Variants in AZIN1 observed in about 807,000 individuals in gnomAD.
AZIN1 encodes antizyme inhibitor 1, also known as ornithine decarboxylase antizyme inhibitor.
AZIN1 carries 12 observed loss-of-function variants against 47.4 expected under a neutral mutation model. The observed-to-expected ratio is 0.25, with a 90% CI of 0.16 to 0.41. AZIN1 has a LOEUF of 0.41. Ranked by LOEUF, AZIN1 falls within the 10% of genes least tolerant of loss-of-function variation. The probability of loss-of-function intolerance (pLI) is 1.00; values close to 1 mark genes in which losing one functional copy is unlikely to be tolerated. For missense variants in AZIN1, 410 were observed against 532.4 expected, an observed-to-expected ratio of 0.77 and a Z score of 2.26; for synonymous variants, 155 against 176.3, an observed-to-expected ratio of 0.88 and a Z score of 0.96.
At chr8:102,850,885 A>C (rs757732900) in intron 2 of AZIN1, among the ~76,000 whole-genome samples, 6 of 152,220 alleles carry the variant, frequency 3.9e-5, no homozygotes, top group Non-Finnish European at 8.8e-5. Flanking sequence ...AAATCCCAAA[A>C]GTTATAAGCC....
chr8:102,852,995 T>C (rs201762354), intron 2 of AZIN1, among the ~76,000 whole-genome samples: 1 of 152,302 alleles, frequency 6.6e-6, no homozygotes, highest in East Asian at 1.9e-4. Flanking sequence ...GCCTTTTTCA[T>C]AGATGCAATA....
At chr8:102,854,222 A>G (rs902282711) in intron 2 of AZIN1, among the ~76,000 whole-genome samples, 40 of 151,968 alleles carry the variant, frequency 2.6e-4, no homozygotes, top group African/African-American at 8.7e-4. Flanking sequence ...TATAGGTGTG[A>G]GGCACCGCAC....
intron 3 of AZIN1, among the ~76,000 whole-genome samples, chr8:102,840,088 A>C (rs1812084419): frequency 6.6e-6 from 1 of 152,208 alleles, no homozygotes. Context: ...AGATAAAAAA[A>C]CTATTATCAA....
rs776212067 is a variant in AZIN1 at position 102,828,332 on chromosome 8, A to G, written c.*235T>C. On this transcript the variant is annotated 3_prime_UTR_variant, in exon 12 of 12. Coordinates refer to ENST00000337198, the MANE Select transcript of AZIN1 (RefSeq NM_148174.4). ...TTGCATATTTTATTTTAAACGCTTAAGGGGTAGGACAAACTGGTAGGTTTA... is the reference window on the plus strand; with the variant it reads ...TTGCATATTTTATTTTAAACGCTTAGGGGGTAGGACAAACTGGTAGGTTTA... 3.4e-4 allele frequency: 117 copies of G among 348,850 alleles called. No individual in the cohort carries two copies. Among genetic ancestry groups the G allele is most frequent in the Non-Finnish European group, 5.1e-4 (99 of 192,602 alleles). 21.6% of individuals were successfully genotyped at this position (348,850 alleles called of 1,614,324 possible).
chr8:102,859,381 T>C (rs1013698832), intron 1 of AZIN1, among the ~76,000 whole-genome samples: 2 of 152,244 alleles, frequency 1.3e-5, no homozygotes, highest in Non-Finnish European at 2.9e-5. Flanking sequence ...TATTCATCTT[T>C]TTCTCAATAC....
At chr8:102,852,227 G>A (rs1812958443) in intron 2 of AZIN1, among the ~76,000 whole-genome samples, 1 of 152,196 alleles carries the variant, frequency 6.6e-6, no homozygotes, top group South Asian at 2.1e-4. Context: ...CTGGGCATCA[G>A]AGGATCCTTG....
At chr8:102,853,490 G>A (rs888552039) in intron 2 of AZIN1, among the ~76,000 whole-genome samples, 4 of 152,128 alleles carry the variant, frequency 2.6e-5, no homozygotes, top group Non-Finnish European at 5.9e-5. Context: ...CAACAAGAGC[G>A]AAACTTCGTC....
rs1811239995 is a variant in AZIN1 at position 102,828,634 on chromosome 8, T to G, written c.1280A>C (p.Lys427Thr). 6.2e-7 allele frequency: 1 copy of G among 1,611,630 alleles called. No homozygotes were observed. Among genetic ancestry groups the G allele is most frequent in the Non-Finnish European group, 8.5e-7 (1 of 1,178,186 alleles). The part of the protein sequence containing the change: ...DAGITSDSMM[K>T]NFFFVPSCIQ... ...GCAAGAAGGCACAAAGAAGAAGTTC[T>G]TCATCATTGAGTCTGAAGTAATTCC... The change falls in exon 12 of 12, where the codon AAG becomes ACG. Residue 427 changes from lysine (K) to threonine (T), a missense_variant. Lys to Thr is a moderately conservative substitution (Grantham distance 78). Coordinates refer to ENST00000337198, the MANE Select transcript of AZIN1 (RefSeq NM_148174.4).
chr8:102,854,621 TA>T (rs1353144380), intron 2 of AZIN1: 4 of 139,342 alleles, frequency 2.9e-5, no homozygotes, highest in African/African-American at 1.1e-4. Context: ...TATATATATA[TA>T]TATATTTTTT....
At chr8:102,856,932 G>A (rs747433769) in intron 2 of AZIN1, among the ~76,000 whole-genome samples, 5 of 152,286 alleles carry the variant, frequency 3.3e-5, no homozygotes, top group South Asian at 4.1e-4. Flanking sequence ...CAATTCGTCC[G>A]AAGACTACAC....
At chr8:102,840,519 T>C (rs974763011) in intron 3 of AZIN1, among the ~76,000 whole-genome samples, 2 of 152,148 alleles carry the variant, frequency 1.3e-5, no homozygotes, top group African/African-American at 4.8e-5. Context: ...CAGGAAACCA[T>C]TTTTAAAAAG....
In AZIN1 at chr8:102,826,927, T is replaced by C. The variant is rs1811146933; in HGVS notation, c.*1640A>G. 1 of 152,342 alleles carries C rather than the reference T, an allele frequency of 6.6e-6. No individual in the cohort carries two copies. The highest frequency in any genetic ancestry group is 2.1e-4 in the South Asian group (1 of 4,828). 9.4% of individuals were successfully genotyped at this position (152,342 alleles called of 1,614,324 possible). On this transcript the variant is annotated 3_prime_UTR_variant, in exon 12 of 12. Coordinates refer to ENST00000337198, the MANE Select transcript of AZIN1 (RefSeq NM_148174.4). ...TTGATGGCAATGGATTGGGGCCCTA[T>C]ATATATATATTTTTAATAGAACCCA...
chr8:102,861,814 G>C (rs1224948701), intron 1 of AZIN1, among the ~76,000 whole-genome samples: 2 of 152,010 alleles, frequency 1.3e-5, no homozygotes, highest in Non-Finnish European at 2.9e-5. Flanking sequence ...AGGCCGAGAT[G>C]GGCGGATCAT....
intron 6 of AZIN1, chr8:102,835,530 C>A (rs533084929): frequency 6.6e-6 from 1 of 152,424 alleles, no homozygotes. Flanking sequence ...CATCTGTAAT[C>A]CCACCACTTT....
At position 102,843,680 on chromosome 8, in the gene AZIN1, T is replaced by C. The variant is rs1376042855; in HGVS notation, c.-28A>G. On this transcript the variant is annotated 5_prime_UTR_variant, in exon 3 of 12. Transcript: ENST00000337198. Reference sequence around the variant, plus strand: ...CAGCCGTATTCCACAAAGCCGAAAGTCATAAACCAGGAAAGACAAGAGACG... The same window carrying C: ...CAGCCGTATTCCACAAAGCCGAAAGCCATAAACCAGGAAAGACAAGAGACG... The C allele has an allele frequency of 1.2e-6, 2 of 1,613,308 alleles. No individual in the cohort carries two copies. Among genetic ancestry groups the C allele is most frequent in the Non-Finnish European group, 1.7e-6 (2 of 1,179,740 alleles).
intron 9 of AZIN1, among the ~76,000 whole-genome samples, chr8:102,832,348 G>A (rs558432340): frequency 6.6e-6 from 1 of 152,040 alleles, no homozygotes; most frequent in African/African-American, 2.4e-5. Context: ...ATGTAAAACA[G>A]TATTTCCTAC....
At chr8:102,858,427 T>C (rs989079542) in intron 1 of AZIN1, among the ~76,000 whole-genome samples, 7 of 152,222 alleles carry the variant, frequency 4.6e-5, no homozygotes, top group East Asian at 1.9e-4. Context: ...GCCTTCATTT[T>C]TGAAGATGAA....
In AZIN1 at chr8:102,835,220, T is replaced by C. The variant is rs79309567; in HGVS notation, c.585-473A>G. On this transcript the variant is annotated intron_variant, in intron 6 of 11. Transcript: ENST00000337198. Reference sequence around the variant, plus strand: ...TAACAGCATTACTATTATTCACTAGTATTACTAGTGATAAAGTTTCAGAAT... The same window carrying C: ...TAACAGCATTACTATTATTCACTAGCATTACTAGTGATAAAGTTTCAGAAT... 415 of 154,922 alleles carry C rather than the reference T, an allele frequency of 2.7e-3. 6 individuals carry two copies. The highest frequency in any genetic ancestry group is 9.6e-3 in the African/African-American group (400 of 41,588). The allele number at this position is 154,922 out of a possible 1,614,324, so 9.6% of individuals were successfully genotyped here.
intron 9 of AZIN1, 23 bp downstream of exon 9, chr8:102,833,033 A>C (rs1162968143): frequency 6.4e-7 from 1 of 1,569,724 alleles, no homozygotes; most frequent in South Asian, 1.1e-5. Context: ...AACAAAAATA[A>C]AACTATAAAC....
Sources: allele counts gnomAD v4.1 joint callset (sites outside exome capture counted in the v4.1 genomes callset), GRCh38; gene constraint gnomAD v4.1.1; transcripts MANE v1.5; gene names NCBI Gene and HGNC (gene_info 2026-07-23, HGNC 2026-07-21).